The following RBM47 variants were observed in gnomAD, a reference collection of about 807,000 sequenced individuals.
RBM47 encodes the protein RNA-binding protein 47.
In RBM47, 21 loss-of-function variants were observed where a neutral mutation model predicts 47.1. The observed-to-expected ratio is 0.45, with a 90% CI of 0.32 to 0.64. RBM47 has a LOEUF of 0.64. Ranked by LOEUF, RBM47 falls within the 30% of genes least tolerant of loss-of-function variation. The probability of loss-of-function intolerance (pLI) is 0.05; values close to 1 mark genes in which losing one functional copy is unlikely to be tolerated. For missense variants in RBM47, 708 were observed against 870.9 expected (o/e 0.81, Z 2.35); for synonymous variants, 375 against 361.7 (o/e 1.04, Z -0.42).
At chr4:40,575,818 A>G (rs1732243861) in intron 1 of RBM47, among the ~76,000 whole-genome samples, 2 of 152,190 alleles carry the variant, frequency 1.3e-5, no homozygotes, top group Non-Finnish European at 1.5e-5. Context: ...TCTCTTTTGA[A>G]GAGAAACCTC....
intron 2 of RBM47, among the ~76,000 whole-genome samples, chr4:40,517,261 C>T (rs986218848): frequency 2.0e-5 from 3 of 152,058 alleles, no homozygotes; most frequent in East Asian, 1.9e-4. Context: ...CAGCCTCCTG[C>T]GTAGCTGGGA....
intron 1 of RBM47, among the ~76,000 whole-genome samples, chr4:40,590,173 C>G (rs964139205): frequency 6.6e-6 from 1 of 152,122 alleles, no homozygotes; most frequent in Non-Finnish European, 1.5e-5. Context: ...GAAATCTAGA[C>G]GTGTGCACGC....
intron 1 of RBM47, among the ~76,000 whole-genome samples, chr4:40,549,511 T>C (rs963814799): frequency 1.0e-4 from 15 of 149,706 alleles, no homozygotes; most frequent in Non-Finnish European, 1.9e-4. Flanking sequence ...ATAAATGTTT[T>C]TTTTGTTTGT....
intron 1 of RBM47, among the ~76,000 whole-genome samples, chr4:40,597,600 A>G (rs1159639829): frequency 1.3e-5 from 2 of 152,246 alleles, no homozygotes; most frequent in Non-Finnish European, 2.9e-5. Flanking sequence ...AAATGAATAA[A>G]TATTTATATA....
In RBM47 at chr4:40,438,742, C is replaced by T. The variant is rs866199829; in HGVS notation, c.152G>A (p.Gly51Glu). The T allele has an allele frequency of 6.2e-7, 1 of 1,600,110 alleles. No individual in the cohort carries two copies. The highest frequency in any genetic ancestry group is 8.5e-7 in the Non-Finnish European group (1 of 1,175,856). The change falls in exon 4 of 7, where the codon GGG becomes GAG. Residue 51 changes from glycine (G) to glutamate (E), a missense_variant. By Grantham distance (98) the Gly-to-Glu change is moderately conservative (BLOSUM62 -2). Coordinates refer to ENST00000295971, the MANE Select transcript of RBM47 (RefSeq NM_001098634.2). The part of the protein sequence containing the change: ...RTGYSMVQEN[G>E]QRKYGGPPPG... ...CGGTGGGCCGCCGTACTTGCGCTGC[C>T]CGTTCTCTTGCACCATGCTGTAGCC... is the stretch of plus-strand genomic sequence containing the variant.
intron 2 of RBM47, among the ~76,000 whole-genome samples, chr4:40,467,046 A>G (rs1718162699): frequency 6.6e-6 from 1 of 152,226 alleles, no homozygotes; most frequent in Admixed American, 6.5e-5. Flanking sequence ...GATGTAGCCT[A>G]TATTTTACAC....
At chr4:40,458,355 C>T (rs564620014) in intron 3 of RBM47, among the ~76,000 whole-genome samples, 2 of 152,070 alleles carry the variant, frequency 1.3e-5, no homozygotes, top group Non-Finnish European at 2.9e-5. Flanking sequence ...AACTAGGAAA[C>T]AATATCTGCT....
At chr4:40,461,791 C>T (rs369556155) in intron 3 of RBM47, among the ~76,000 whole-genome samples, 16 of 152,112 alleles carry the variant, frequency 1.1e-4, no homozygotes, top group East Asian at 9.6e-4. Flanking sequence ...AAAAATTAGT[C>T]GGGCATGGTG....
intron 2 of RBM47, among the ~76,000 whole-genome samples, chr4:40,527,153 T>A (rs1726808388): frequency 6.6e-6 from 1 of 152,198 alleles, no homozygotes; most frequent in Non-Finnish European, 1.5e-5. Flanking sequence ...CACTCTCTCT[T>A]GCCCAGGCAG....
intron 1 of RBM47, among the ~76,000 whole-genome samples, chr4:40,585,557 C>T (rs769598851): frequency 9.2e-5 from 14 of 152,200 alleles, no homozygotes; most frequent in Non-Finnish European, 2.1e-4. Flanking sequence ...TTGCCTCATA[C>T]TAGCAGCCTT....
At chr4:40,593,220 G>T (rs781356135) in intron 1 of RBM47, among the ~76,000 whole-genome samples, 40 of 148,534 alleles carry the variant, frequency 2.7e-4, no homozygotes, top group Non-Finnish European at 5.1e-4. Context: ...GAAGGGTCTC[G>T]ATCTCCTGAC....
intron 1 of RBM47, among the ~76,000 whole-genome samples, chr4:40,624,102 T>G (rs1293206506): frequency 2.6e-5 from 4 of 152,304 alleles, no homozygotes; most frequent in East Asian, 3.9e-4. Flanking sequence ...TCTGCATGCC[T>G]TGGTCTCCAA....
At chr4:40,600,940 G>A (rs1448918826) in intron 1 of RBM47, among the ~76,000 whole-genome samples, 2 of 126,842 alleles carry the variant, frequency 1.6e-5, no homozygotes, top group Non-Finnish European at 3.1e-5. Context: ...AGCCAAGATC[G>A]CGCCACTGCA....
chr4:40,519,700 G>A (rs1403545123), intron 2 of RBM47, among the ~76,000 whole-genome samples: 8 of 102,328 alleles, frequency 7.8e-5, no homozygotes, highest in Admixed American at 2.8e-4. Flanking sequence ...ACGGAGTCTC[G>A]CTATTGTTGC....
chr4:40,583,728 G>A (rs930500683), intron 1 of RBM47, among the ~76,000 whole-genome samples: 3 of 150,984 alleles, frequency 2.0e-5, no homozygotes, highest in African/African-American at 7.3e-5. Context: ...CGCGGTGGCG[G>A]GCGCCTGTAG....
At chr4:40,440,905 C>A (rs1297711447) in intron 3 of RBM47, among the ~76,000 whole-genome samples, 1 of 152,124 alleles carries the variant, frequency 6.6e-6, no homozygotes, top group South Asian at 2.1e-4. Context: ...TGAGTAAAAT[C>A]TTAGACCAAT....
At chr4:40,590,749 C>T (rs975665810) in intron 1 of RBM47, among the ~76,000 whole-genome samples, 1 of 152,210 alleles carries the variant, frequency 6.6e-6, no homozygotes, top group African/African-American at 2.4e-5. Context: ...CATGGATGGA[C>T]TGTGAGCATA....
At chr4:40,606,624 T>C (rs1735781857) in intron 1 of RBM47, among the ~76,000 whole-genome samples, 1 of 152,156 alleles carries the variant, frequency 6.6e-6, no homozygotes, top group Non-Finnish European at 1.5e-5. Context: ...TGCCTGGATT[T>C]GGTCTCTGGC....
chr4:40,464,294 C>T (rs1290926886), intron 3 of RBM47, among the ~76,000 whole-genome samples: 1 of 152,166 alleles, frequency 6.6e-6, no homozygotes, highest in Non-Finnish European at 1.5e-5. Flanking sequence ...CCAAGACCCC[C>T]AGTGGATGCC....
Sources: allele counts gnomAD v4.1 joint callset (sites outside exome capture counted in the v4.1 genomes callset), GRCh38; gene constraint gnomAD v4.1.1; transcripts MANE v1.5; gene names NCBI Gene and HGNC (gene_info 2026-07-23, HGNC 2026-07-21).